ARMC6: variants seen among roughly 807,000 people sequenced by gnomAD.
ARMC6 encodes armadillo repeat containing 6.
Under a neutral mutation model 49.2 loss-of-function variants are expected in ARMC6, and 43 were observed. The ratio of observed to expected loss-of-function variants is 0.87; its 90% CI spans 0.69 to 1.13. ARMC6 has a LOEUF of 1.13. ARMC6 is among the 50% of genes most tolerant of loss of function. The pLI is 0.00. For missense variants in ARMC6, 627 were observed against 682.0 expected, an observed-to-expected ratio of 0.92 and a Z score of 0.90; for synonymous variants, 262 against 289.6, an observed-to-expected ratio of 0.90 and a Z score of 0.97.
At chr19:19,049,109 G>T (rs1481338472) in intron 4 of ARMC6, among the ~76,000 whole-genome samples, 1 of 147,314 alleles carries the variant, frequency 6.8e-6, no homozygotes, top group Non-Finnish European at 1.5e-5. Context: ...CTAGAGTGCA[G>T]TGGTGTGATC....
At chr19:19,041,494 G>A (rs978127805) in intron 2 of ARMC6, among the ~76,000 whole-genome samples, 12 of 151,972 alleles carry the variant, frequency 7.9e-5, no homozygotes, top group Admixed American at 7.9e-4. Context: ...GATCACAGGT[G>A]CCCGCCACCA....
chr19:19,038,905 A>ACACG (rs2059391185), intron 2 of ARMC6, among the ~76,000 whole-genome samples: 1 of 147,354 alleles, frequency 6.8e-6, no homozygotes, highest in African/African-American at 2.5e-5. Context: ...GTATACACAC[A>ACACG]CACACACACA....
chr19:19,046,959 T>TC (rs1157752749), intron 4 of ARMC6, among the ~76,000 whole-genome samples: 1 of 144,224 alleles, frequency 6.9e-6, no homozygotes, highest in African/African-American at 2.6e-5. Flanking sequence ...CTATTTCTTT[T>TC]TTTTTTTTTT....
chr19:19,057,714 T>G lies in ARMC6; in HGVS notation c.*86T>G. On this transcript the variant is annotated 3_prime_UTR_variant, in exon 9 of 9. Transcript: ENST00000535612. ...ATCCATGTCCTCCACTGTCCCCCAT[T>G]AGTTCTGTCCCCTTCACAATGAGAA... 3.0e-6 allele frequency: 4 copies of G among 1,354,884 alleles called. No homozygotes were observed. The highest frequency in any genetic ancestry group is 4.2e-6 in the Non-Finnish European group (4 of 957,760). The allele number at this position is 1,354,884 out of a possible 1,614,324, so 83.9% of individuals were successfully genotyped here. A position where few individuals can be genotyped will look rare whatever the true frequency, so the allele number is the denominator to read the frequency against.
chr19:19,057,193 A>C (rs2059551723), intron 8 of ARMC6, among the ~76,000 whole-genome samples: 1 of 152,210 alleles, frequency 6.6e-6, no homozygotes. Flanking sequence ...TAGATCCTGG[A>C]GCTTCCCTGA....
chr19:19,053,718 G>T (rs946187392), intron 5 of ARMC6, among the ~76,000 whole-genome samples: 1 of 152,080 alleles, frequency 6.6e-6, no homozygotes, highest in African/African-American at 2.4e-5. Context: ...CTCCATCTGC[G>T]GCTCCTGTGT....
At position 19,037,628 on chromosome 19, in the gene ARMC6, A is replaced by G. The variant is rs1021699773; in HGVS notation, c.29+3390A>G. 9.7e-6 allele frequency: 12 copies of G among 1,239,330 alleles called. No individual in the cohort carries two copies. In the African/African-American group the frequency reaches 1.9e-4, roughly 20 times the overall value. The allele number at this position is 1,239,330 out of a possible 1,614,324, so 76.8% of individuals were successfully genotyped here. A position where few individuals can be genotyped will look rare whatever the true frequency, so the allele number is the denominator to read the frequency against. ...TGATCCTTCCGCCTCGGCCTCCCAAAGTGCAGGCCACCATGCCTGGCCTGA... is the reference window on the plus strand; with the variant it reads ...TGATCCTTCCGCCTCGGCCTCCCAAGGTGCAGGCCACCATGCCTGGCCTGA... On this transcript the variant is annotated intron_variant, in intron 2 of 8. Transcript: ENST00000535612.
At position 19,037,772 on chromosome 19, in the gene ARMC6, G is replaced by A; in HGVS notation, c.29+3534G>A. ...ACCTCTGTTAGGCTCTGGACCTAAG[G>A]CCTGTTCCTCCTTTTGTTCCAAAGG... On this transcript the variant is annotated intron_variant, in intron 2 of 8. Coordinates refer to ENST00000535612, the MANE Select transcript of ARMC6 (RefSeq NM_001199196.2). 5 of 866,726 alleles carry A rather than the reference G, an allele frequency of 5.8e-6. No individual in the cohort carries two copies. The South Asian group carries it at 8.3e-5, about 14-fold the overall frequency. 53.7% of individuals were successfully genotyped at this position (866,726 alleles called of 1,614,324 possible).
At chr19:19,040,477 C>T (rs1023005711) in intron 2 of ARMC6, among the ~76,000 whole-genome samples, 1 of 152,030 alleles carries the variant, frequency 6.6e-6, no homozygotes, top group Admixed American at 6.6e-5. Context: ...TGTCTCGCTA[C>T]GTTGGCCAGG....
intron 2 of ARMC6, among the ~76,000 whole-genome samples, chr19:19,041,188 C>G (rs1449394447): frequency 3.3e-5 from 5 of 152,092 alleles, no homozygotes; most frequent in Admixed American, 1.3e-4. Flanking sequence ...TAGAGGTATT[C>G]AGTGCTCCTG....
At chr19:19,043,517 C>T (rs540654889) in intron 3 of ARMC6, among the ~76,000 whole-genome samples, 1 of 152,288 alleles carries the variant, frequency 6.6e-6, no homozygotes, top group East Asian at 1.9e-4. Flanking sequence ...AGGTCAGCCT[C>T]CTAGGCACAG....
Position 19,055,909 on chromosome 19 carries a change from C to A in ARMC6, c.1274C>A (p.Pro425Gln). Reference sequence around the variant, plus strand: ...GCACTGCAGGCCATGAAGGCACACCCGCAGAAGGCCGGCGTGCAGGTGGGC... The same window carrying A: ...GCACTGCAGGCCATGAAGGCACACCAGCAGAAGGCCGGCGTGCAGGTGGGC... ...VAALQAMKAHPQKAGVQKQAC... is the reference protein window; with the variant it reads ...VAALQAMKAHQQKAGVQKQAC... Residue 425 changes from proline to glutamine, a missense_variant, in exon 8 of 9, where the codon CCG (proline) becomes CAG (glutamine). Pro to Gln is a moderately conservative substitution (Grantham distance 76, BLOSUM62 -1). Transcript: ENST00000535612. This position sits in a 1 kb window ranked among gnomAD's most constrained non-coding sequence, Gnocchi z 5.7. 1 of 1,610,968 alleles carries A rather than the reference C, an allele frequency of 6.2e-7. No homozygotes were observed. Among genetic ancestry groups the A allele is most frequent in the Non-Finnish European group, 8.5e-7 (1 of 1,179,236 alleles).
Position 19,055,893 on chromosome 19 carries a change from G to T in ARMC6, c.1258G>T (p.Ala420Ser), listed in dbSNP as rs1455295826. Residue 420 changes from alanine (A) to serine (S), a missense_variant, in exon 8 of 9, where the codon GCC (alanine) becomes TCC (serine). Ala to Ser is a moderately conservative substitution (Grantham distance 99). Transcript: ENST00000535612. This position sits in a 1 kb window ranked among gnomAD's most constrained non-coding sequence, Gnocchi z 5.7. ...EGGGAVAALQ[A>S]MKAHPQKAGV... is the part of the protein sequence containing the mutation. ...TGGCGGGGCTGTGGCAGCACTGCAG[G>T]CCATGAAGGCACACCCGCAGAAGGC... The T allele has an allele frequency of 6.2e-7, 1 of 1,612,428 alleles. No individual in the cohort carries two copies. Among genetic ancestry groups the T allele is most frequent in the East Asian group, 2.2e-5 (1 of 44,864 alleles).
rs1324173552 is a variant in ARMC6, at chr19:19,034,184, A to C, written c.-26A>C. The stretch of plus-strand genomic sequence containing the variant: ...TCGGGCCCCGTCCTAGGCAGTGGGG[A>C]CAAGGAGGCTACAGGGTACAAATAA... On this transcript the variant is annotated 5_prime_UTR_variant, in exon 2 of 9. Coordinates refer to ENST00000535612, the MANE Select transcript of ARMC6 (RefSeq NM_001199196.2). The C allele has an allele frequency of 6.4e-7, 1 of 1,573,282 alleles. No individual in the cohort carries two copies. The highest frequency in any genetic ancestry group is 2.2e-5 in the East Asian group (1 of 44,658).
chr19:19,045,607 C>T (rs1487925045), intron 4 of ARMC6, among the ~76,000 whole-genome samples: 2 of 150,132 alleles, frequency 1.3e-5, no homozygotes, highest in African/African-American at 2.4e-5. Context: ...CCTGCCTCAG[C>T]CTCACAAGTA....
chr19:19,038,224 A>G (rs1233606032), intron 2 of ARMC6, among the ~76,000 whole-genome samples: 1 of 152,220 alleles, frequency 6.6e-6, no homozygotes, highest in East Asian at 1.9e-4. Flanking sequence ...TACAGTGAAT[A>G]GTATAATTAT....
chr19:19,044,131 C>G (rs1309250990), intron 4 of ARMC6, 57 bp downstream of exon 4: 2 of 1,518,714 alleles, frequency 1.3e-6, no homozygotes, highest in East Asian at 4.5e-5. Context: ...GGGGGCACCT[C>G]TTCCCTGTTT....
chr19:19,039,643 A>T (rs2059396667), intron 2 of ARMC6, among the ~76,000 whole-genome samples: 1 of 152,150 alleles, frequency 6.6e-6, no homozygotes, highest in African/African-American at 2.4e-5. Flanking sequence ...ATCGTGCAAT[A>T]TGAGGCTTTT....
chr19:19,052,338 C>A, intron 5 of ARMC6, 143 bp downstream of exon 5: 1 of 764,448 alleles, frequency 1.3e-6, no homozygotes. Flanking sequence ...GCCTGCATGG[C>A]AGCCCTCGTG....
Sources: gnomAD v4.1 joint callset for allele counts (sites outside exome capture counted in the v4.1 genomes callset) on GRCh38, gnomAD v4.1.1 for gene constraint, Gnocchi (gnomAD v3.1) non-coding constraint, MANE v1.5 for transcripts, NCBI Gene and HGNC (gene_info 2026-07-23, HGNC 2026-07-21) for gene names.